Variants in CDYL2 observed in about 807,000 individuals in gnomAD.
CDYL2 encodes chromodomain Y like 2.
CDYL2 carries 23 observed loss-of-function variants against 49.4 expected under a neutral mutation model. The ratio of observed to expected loss-of-function variants is 0.47; its 90% CI spans 0.34 to 0.66. CDYL2 has a LOEUF of 0.66. Among genes scored for constraint, CDYL2 ranks in the 30% least tolerant of loss-of-function variants. The probability of loss-of-function intolerance (pLI) is 0.01; values close to 1 mark genes in which losing one functional copy is unlikely to be tolerated. For synonymous variants in CDYL2, 360 were observed against 268.8 expected (o/e 1.34, Z -3.32); for missense variants, 678 against 656.4 (o/e 1.03, Z -0.36).
intron 2 of CDYL2, among the ~76,000 whole-genome samples, chr16:80,636,959 C>T (rs758654002): frequency 5.9e-5 from 9 of 152,056 alleles, no homozygotes; most frequent in Admixed American, 3.3e-4. Context: ...ATGAGCAGAA[C>T]GCCAAGCACC....
At chr16:80,634,618 G>A (rs1907734050) in intron 2 of CDYL2, among the ~76,000 whole-genome samples, 1 of 152,004 alleles carries the variant, frequency 6.6e-6, no homozygotes, top group Admixed American at 6.6e-5. Flanking sequence ...TTGTGCACAT[G>A]TACCCTAGAA....
intron 1 of CDYL2, among the ~76,000 whole-genome samples, chr16:80,797,415 G>A (rs1351390352): frequency 6.6e-6 from 1 of 152,172 alleles, no homozygotes. Context: ...CAGGAGGGGA[G>A]GGGAAACTGC....
At chr16:80,791,126 T>C (rs1250148718) in intron 1 of CDYL2, among the ~76,000 whole-genome samples, 8 of 152,184 alleles carry the variant, frequency 5.3e-5, no homozygotes, top group African/African-American at 1.9e-4. Context: ...ATCCTCTAAA[T>C]ACAAGATTAC....
chr16:80,646,930 T>G (rs1457470479), intron 2 of CDYL2, among the ~76,000 whole-genome samples: 1 of 145,048 alleles, frequency 6.9e-6, no homozygotes, highest in African/African-American at 2.5e-5. Context: ...TCCTTGCCAA[T>G]GAATACCAAA....
intron 3 of CDYL2, among the ~76,000 whole-genome samples, chr16:80,629,901 T>C (rs547477484): frequency 1.3e-5 from 2 of 152,344 alleles, no homozygotes; most frequent in East Asian, 3.9e-4. Flanking sequence ...ACCTCCTATA[T>C]GCCAGGTACT....
chr16:80,768,269 T>G (rs1906792021), intron 1 of CDYL2, among the ~76,000 whole-genome samples: 1 of 152,164 alleles, frequency 6.6e-6, no homozygotes. Flanking sequence ...CTCTCCCTAT[T>G]CACTGGCCAT....
chr16:80,707,352 T>C (rs371470438), intron 1 of CDYL2, among the ~76,000 whole-genome samples: 1 of 151,966 alleles, frequency 6.6e-6, no homozygotes, highest in African/African-American at 2.4e-5. Context: ...TGTCCTATAC[T>C]TGGGAGGCTA....
At chr16:80,721,517 T>C (rs1904997721) in intron 1 of CDYL2, among the ~76,000 whole-genome samples, 1 of 152,208 alleles carries the variant, frequency 6.6e-6, no homozygotes, top group African/African-American at 2.4e-5. Context: ...AACTGCTTCT[T>C]GAGCTCTGGG....
chr16:80,704,774 T>C (rs1245878483), intron 1 of CDYL2, among the ~76,000 whole-genome samples: 1 of 152,096 alleles, frequency 6.6e-6, no homozygotes, highest in Non-Finnish European at 1.5e-5. Context: ...TCAGCGTGAG[T>C]AACAGAGAAA....
At position 80,601,643 on chromosome 16, in the gene CDYL2, T is replaced by C. The variant is rs903738280; in HGVS notation, c.*2745A>G. On this transcript the variant is annotated 3_prime_UTR_variant, in exon 7 of 7. Transcript: ENST00000570137. ...TTTTCCATCCCAAATCTATTTGCTG[T>C]AAGTTACCTGGAATTCGCCTACACA... The C allele has an allele frequency of 7.2e-5, 11 of 152,164 alleles. No homozygotes were observed. The highest frequency in any genetic ancestry group is 1.5e-4 in the Non-Finnish European group (10 of 68,048). The allele number at this position is 152,164 out of a possible 1,614,324, so 9.4% of individuals were successfully genotyped here. A position where few individuals can be genotyped will look rare whatever the true frequency, so the allele number is the denominator to read the frequency against.
chr16:80,599,236 C>CAA lies in CDYL2; in HGVS notation c.*5150_*5151dup, dbSNP rs1905971769. On this transcript the variant is annotated 3_prime_UTR_variant, in exon 7 of 7. Coordinates refer to ENST00000570137, the MANE Select transcript of CDYL2 (RefSeq NM_152342.4). ...CCACACACACTGCAAAAATTTAAAG[C>CAA]AAATCTCCATCTTAATGGCTGATAA... 6.6e-6 allele frequency: 1 copy of CAA among 152,168 alleles called. No individual in the cohort carries two copies. The highest frequency in any genetic ancestry group is 6.5e-5 in the Admixed American group (1 of 15,284). 9.4% of individuals were successfully genotyped at this position (152,168 alleles called of 1,614,324 possible).
chr16:80,755,266 T>C (rs142484929), intron 1 of CDYL2, among the ~76,000 whole-genome samples: 84 of 152,318 alleles, frequency 5.5e-4, no homozygotes, highest in Non-Finnish European at 1.1e-3. Flanking sequence ...GAAACCTGAA[T>C]CTTAGCCTTT....
chr16:80,804,261 G>C lies in CDYL2; in HGVS notation c.-88C>G. ...TGCGCGCGGGGTCCGGTGTGCGCGT[G>C]TGTGTGCGCGCGTGTGTGTGCGAGT... On this transcript the variant is annotated 5_prime_UTR_variant, in exon 1 of 7. Coordinates refer to ENST00000570137, the MANE Select transcript of CDYL2 (RefSeq NM_152342.4). The C allele has an allele frequency of 8.4e-7, 1 of 1,189,412 alleles. No homozygotes were observed. Among genetic ancestry groups the C allele is most frequent in the Non-Finnish European group, 1.1e-6 (1 of 902,164 alleles). 73.7% of individuals were successfully genotyped at this position (1,189,412 alleles called of 1,614,324 possible).
chr16:80,703,277 A>C (rs1798327137), intron 1 of CDYL2, among the ~76,000 whole-genome samples: 2 of 152,180 alleles, frequency 1.3e-5, no homozygotes, highest in African/African-American at 4.8e-5. Context: ...TGTGAATAGC[A>C]TTATATTTTA....
chr16:80,659,171 G>C (rs1224331542), intron 2 of CDYL2, among the ~76,000 whole-genome samples: 1 of 152,124 alleles, frequency 6.6e-6, no homozygotes, highest in Non-Finnish European at 1.5e-5. Flanking sequence ...AGCTAGTTCA[G>C]TGCATAAGCT....
chr16:80,610,944 C>G (rs750058409), intron 5 of CDYL2, among the ~76,000 whole-genome samples: 6 of 152,136 alleles, frequency 3.9e-5, no homozygotes, highest in Non-Finnish European at 7.3e-5. Context: ...ATGCCAGGCT[C>G]GCAGGGGCCA....
intron 2 of CDYL2, among the ~76,000 whole-genome samples, chr16:80,646,393 A>C (rs2086115902): frequency 1.3e-5 from 2 of 152,232 alleles, no homozygotes; most frequent in Non-Finnish European, 2.9e-5. Context: ...AATTCCCAGA[A>C]AACAAATAAC....
chr16:80,630,641 C>T (rs974347704), intron 3 of CDYL2, among the ~76,000 whole-genome samples: 2 of 152,088 alleles, frequency 1.3e-5, no homozygotes, highest in Admixed American at 1.3e-4. Flanking sequence ...GCTTCTGTTA[C>T]AGGCGGAGGA....
chr16:80,655,910 T>C (rs933262733), intron 2 of CDYL2, among the ~76,000 whole-genome samples: 1 of 152,160 alleles, frequency 6.6e-6, no homozygotes, highest in South Asian at 2.1e-4. Context: ...AGCAACAAGC[T>C]GGCAGGGAAG....
Sources: gnomAD v4.1 joint callset for allele counts (sites outside exome capture counted in the v4.1 genomes callset) on GRCh38, gnomAD v4.1.1 for gene constraint, MANE v1.5 for transcripts, NCBI Gene and HGNC (gene_info 2026-07-23, HGNC 2026-07-21) for gene names.